Variants in RANBP2 observed in about 807,000 individuals in gnomAD.
RANBP2 encodes the protein E3 SUMO-protein ligase RanBP2.
A neutral mutation model predicts 303.6 loss-of-function variants in RANBP2; 57 were observed. That is an observed-to-expected ratio of 0.19 (90% CI 0.15 to 0.23). The LOEUF is 0.23. Among genes scored for constraint, RANBP2 ranks in the 10% least tolerant of loss-of-function variants. The probability of loss-of-function intolerance (pLI) is 1.00; values close to 1 mark genes in which losing one functional copy is unlikely to be tolerated. For synonymous variants in RANBP2, 1,167 were observed against 1,301.5 expected (o/e 0.90, Z 2.23); for missense variants, 3,138 against 3,780.8 (o/e 0.83, Z 4.46).
chr2:109,416,938 A>G, the RANBP2 span, among the ~76,000 whole-genome samples: 1 of 149,912 alleles, frequency 6.7e-6, no homozygotes, highest in Non-Finnish European at 1.5e-5. Context: ...TTGTATGTCC[A>G]GTGCTTGGCC....
chr2:109,313,315 T>C, the RANBP2 span, among the ~76,000 whole-genome samples: 1 of 152,230 alleles, frequency 6.6e-6, no homozygotes, highest in Non-Finnish European at 1.5e-5. Context: ...GGGGGGAGGC[T>C]GGCATCTGTG....
intron 18 of RANBP2, among the ~76,000 whole-genome samples, chr2:108,759,876 T>C (rs991950333): frequency 2.0e-5 from 3 of 152,332 alleles, no homozygotes; most frequent in African/African-American, 7.2e-5. Context: ...TCTGTTCTTA[T>C]ACAAGCATGT....
the RANBP2 span, among the ~76,000 whole-genome samples, chr2:109,249,220 C>A: frequency 6.6e-6 from 1 of 152,346 alleles, no homozygotes; most frequent in African/African-American, 2.4e-5. Flanking sequence ...GCAACTCCCC[C>A]CCGACTCCTA....
chr2:109,576,378 C>T, the RANBP2 span, among the ~76,000 whole-genome samples: 1 of 151,798 alleles, frequency 6.6e-6, no homozygotes, highest in African/African-American at 2.4e-5. Context: ...GGATGACAGG[C>T]GTGAGCCACC....
the RANBP2 span, among the ~76,000 whole-genome samples, chr2:109,640,693 G>A: frequency 4.6e-5 from 7 of 152,076 alleles, no homozygotes; most frequent in African/African-American, 1.2e-4. Context: ...TAGGAGTCCC[G>A]GCCACACTCA....
the RANBP2 span, among the ~76,000 whole-genome samples, chr2:109,664,289 T>C: frequency 2.0e-5 from 3 of 152,206 alleles, no homozygotes; most frequent in Non-Finnish European, 2.9e-5. Context: ...ATAACCTTTA[T>C]GAATATTTAG....
At chr2:109,440,520 A>G in the RANBP2 span, among the ~76,000 whole-genome samples, 1 of 152,254 alleles carries the variant, frequency 6.6e-6, no homozygotes, top group Admixed American at 6.5e-5. Flanking sequence ...ATTGAGCTAG[A>G]CTTCTGCTTA....
At chr2:109,477,046 G>A in the RANBP2 span, among the ~76,000 whole-genome samples, 125 of 152,288 alleles carry the variant, frequency 8.2e-4, 1 homozygote, top group Middle Eastern at 3.4e-3. Context: ...GACCTTCTGT[G>A]ACTTAGAATG....
chr2:109,728,230 A>G, the RANBP2 span, among the ~76,000 whole-genome samples: 1 of 152,278 alleles, frequency 6.6e-6, no homozygotes, highest in African/African-American at 2.4e-5. Flanking sequence ...CCATCTCTAA[A>G]GTGGCTTCTT....
At chr2:109,542,660 C>G in the RANBP2 span, among the ~76,000 whole-genome samples, 5 of 152,196 alleles carry the variant, frequency 3.3e-5, no homozygotes, top group Non-Finnish European at 7.3e-5. Context: ...CCTACCAGAA[C>G]CTGGGTGTCA....
chr2:109,459,652 C>T, the RANBP2 span, among the ~76,000 whole-genome samples: 1 of 152,164 alleles, frequency 6.6e-6, no homozygotes, highest in South Asian at 2.1e-4. Flanking sequence ...ACAGTAGTTC[C>T]CGTTCCTGCC....
At chr2:108,878,086 T>TA in the RANBP2 span, among the ~76,000 whole-genome samples, 1 of 152,178 alleles carries the variant, frequency 6.6e-6, no homozygotes, top group Non-Finnish European at 1.5e-5. Context: ...AGAAATGACT[T>TA]AAAGATTAAT....
the RANBP2 span, among the ~76,000 whole-genome samples, chr2:109,030,857 G>A: frequency 1.3e-5 from 2 of 152,056 alleles, no homozygotes; most frequent in African/African-American, 4.8e-5. Context: ...AGAGTAGCTG[G>A]GACCACAGGT....
chr2:109,185,890 T>C, the RANBP2 span, among the ~76,000 whole-genome samples: 1 of 152,224 alleles, frequency 6.6e-6, no homozygotes, highest in Non-Finnish European at 1.5e-5. Flanking sequence ...CCAAGTCGGG[T>C]GGTGTGGATG....
At chr2:109,140,198 G>A in the RANBP2 span, among the ~76,000 whole-genome samples, 2 of 152,154 alleles carry the variant, frequency 1.3e-5, no homozygotes, top group Non-Finnish European at 2.9e-5. Flanking sequence ...GTGCATATGG[G>A]TCGATTGATG....
chr2:109,323,120 GCATATGC>G, the RANBP2 span, among the ~76,000 whole-genome samples: 2 of 152,194 alleles, frequency 1.3e-5, no homozygotes. Context: ...CGGGCTCCCA[GCATATGC>G]TCCAGAGAGA....
the RANBP2 span, chr2:109,437,068 G>T: frequency 6.2e-7 from 1 of 1,613,632 alleles, no homozygotes; most frequent in South Asian, 1.1e-5. Context: ...GCACCCCACA[G>T]CCTCGCCCCC....
chr2:109,544,972 CAATA>C, the RANBP2 span: 2 of 985,202 alleles, frequency 2.0e-6, no homozygotes, highest in Non-Finnish European at 2.4e-6. Context: ...ATATATAAGC[CAATA>C]AAATCTGCCA....
At chr2:109,161,233 A>G in the RANBP2 span, among the ~76,000 whole-genome samples, 6 of 152,204 alleles carry the variant, frequency 3.9e-5, no homozygotes, top group African/African-American at 9.7e-5. Context: ...TCCCCACCTT[A>G]TAAGTCAGGC....
Sources: gnomAD v4.1 joint callset for allele counts (sites outside exome capture counted in the v4.1 genomes callset) on GRCh38, gnomAD v4.1.1 for gene constraint, MANE v1.5 for transcripts, NCBI Gene and HGNC (gene_info 2026-07-23, HGNC 2026-07-21) for gene names.